The following PCDH15 variants were observed in gnomAD, a reference collection of about 807,000 sequenced individuals.
The protein encoded by PCDH15 is protocadherin related 15, also known as protocadherin-15.
Under a neutral mutation model 178.5 loss-of-function variants are expected in PCDH15, and 129 were observed. The ratio of observed to expected loss-of-function variants is 0.72; its 90% CI spans 0.63 to 0.84. PCDH15 has a LOEUF of 0.84. Among genes scored for constraint, PCDH15 ranks in the 40% least tolerant of loss-of-function variants. PCDH15 has a pLI of 0.00. For synonymous variants in PCDH15, 800 were observed against 732.0 expected (o/e 1.09, Z -1.50); for missense variants, 2,230 against 2,099.9 (o/e 1.06, Z -1.21).
intron 25 of PCDH15, among the ~76,000 whole-genome samples, chr10:53,935,900 T>C (rs1277650201): frequency 2.0e-5 from 3 of 152,052 alleles, no homozygotes; most frequent in Admixed American, 6.6e-5. Flanking sequence ...AGAAAATTAC[T>C]ATTGGTGGTT....
intron 3 of PCDH15, among the ~76,000 whole-genome samples, chr10:54,521,541 T>C (rs1032224662): frequency 6.6e-5 from 10 of 152,290 alleles, no homozygotes; most frequent in Admixed American, 5.9e-4. Flanking sequence ...TACTATTGAA[T>C]CTTCCCTCTT....
At chr10:54,734,721 A>G (rs1943851376) in intron 1 of PCDH15, among the ~76,000 whole-genome samples, 1 of 151,984 alleles carries the variant, frequency 6.6e-6, no homozygotes, top group Admixed American at 6.6e-5. Context: ...ATTGAGTGGT[A>G]AAAAAAGAAC....
At chr10:55,021,472 G>A (rs910906604) in intron 2 of PCDH15, among the ~76,000 whole-genome samples, 8 of 152,084 alleles carry the variant, frequency 5.3e-5, no homozygotes, top group Non-Finnish European at 1.0e-4. Flanking sequence ...GGATGTGTTC[G>A]GGTGTCTTTC....
chr10:54,054,907 C>T (rs1317068553), intron 18 of PCDH15, among the ~76,000 whole-genome samples: 1 of 151,964 alleles, frequency 6.6e-6, no homozygotes, highest in African/African-American at 2.4e-5. Flanking sequence ...ACTTGCAGCC[C>T]ACTTAAAAAA....
At chr10:54,043,676 T>C (rs2093598198) in intron 18 of PCDH15, among the ~76,000 whole-genome samples, 1 of 151,984 alleles carries the variant, frequency 6.6e-6, no homozygotes, top group South Asian at 2.1e-4. Context: ...GGTGAGCCAC[T>C]ACCCCTGGTC....
intron 8 of PCDH15, among the ~76,000 whole-genome samples, chr10:54,295,403 G>A (rs117375403): frequency 7.9e-5 from 12 of 152,298 alleles, no homozygotes; most frequent in East Asian, 1.9e-4. Context: ...AGCCAGCAGC[G>A]TCAACCTGCT....
intron 1 of PCDH15, among the ~76,000 whole-genome samples, chr10:55,201,085 C>A (rs1439993270): frequency 6.6e-6 from 1 of 152,038 alleles, no homozygotes; most frequent in Non-Finnish European, 1.5e-5. Flanking sequence ...GGTTGAGCAA[C>A]AACACATAAC....
chr10:54,604,247 T>A (rs951689221), intron 2 of PCDH15, among the ~76,000 whole-genome samples: 1 of 151,976 alleles, frequency 6.6e-6, no homozygotes. Flanking sequence ...GAATGTACAA[T>A]CTTCTGTTGT....
intron 3 of PCDH15, among the ~76,000 whole-genome samples, chr10:54,515,727 C>A (rs890428477): frequency 1.3e-5 from 2 of 152,200 alleles, no homozygotes; most frequent in African/African-American, 4.8e-5. Flanking sequence ...GGGAGGCATC[C>A]CCCAGTAGGG....
intron 2 of PCDH15, among the ~76,000 whole-genome samples, chr10:55,360,764 TG>T (rs1221741516): frequency 6.6e-6 from 1 of 152,022 alleles, no homozygotes; most frequent in African/African-American, 2.4e-5. Flanking sequence ...ACAATCACTC[TG>T]GGTAACATTT....
At chr10:55,272,568 A>C (rs1435174543) in intron 1 of PCDH15, among the ~76,000 whole-genome samples, 1 of 151,748 alleles carries the variant, frequency 6.6e-6, no homozygotes, top group African/African-American at 2.4e-5. Context: ...TTGTTAGTAG[A>C]GACGTGGTTT....
intron 18 of PCDH15, among the ~76,000 whole-genome samples, chr10:54,042,233 C>T (rs1045593911): frequency 2.0e-5 from 3 of 152,062 alleles, no homozygotes; most frequent in African/African-American, 7.2e-5. Context: ...ATTAGGACTA[C>T]TCTCTCCATT....
At chr10:54,003,720 C>A in intron 20 of PCDH15, among the ~76,000 whole-genome samples, 1 of 104,172 alleles carries the variant, frequency 9.6e-6, no homozygotes, top group Non-Finnish European at 1.8e-5. Context: ...TAATACTAAT[C>A]TTACTCAAAC....
chr10:54,017,581 T>C (rs941959096), intron 20 of PCDH15, among the ~76,000 whole-genome samples: 9 of 152,126 alleles, frequency 5.9e-5, no homozygotes, highest in African/African-American at 2.2e-4. Context: ...AAATGGTAAC[T>C]AAATATTGGG....
chr10:53,822,141 A>G lies in PCDH15; in HGVS notation c.4368-1911T>C. On this transcript the variant is annotated intron_variant, in intron 32 of 37. Transcript: ENST00000644397. ...CACTGTCGTTGTTGATAGCTGTGTCATAGAGGACTTAATTTTCTCGGCAGG... is the reference window on the plus strand; with the variant it reads ...CACTGTCGTTGTTGATAGCTGTGTCGTAGAGGACTTAATTTTCTCGGCAGG... The G allele has an allele frequency of 1.9e-6, 3 of 1,614,038 alleles. No homozygotes were observed. Among genetic ancestry groups the G allele is most frequent in the Non-Finnish European group, 2.5e-6 (3 of 1,179,956 alleles).
At chr10:53,835,043 T>G (rs1174442366) in intron 29 of PCDH15, among the ~76,000 whole-genome samples, 1 of 152,228 alleles carries the variant, frequency 6.6e-6, no homozygotes, top group Non-Finnish European at 1.5e-5. Context: ...AAGCAAATCA[T>G]GGTTAGATCA....
At chr10:53,908,102 A>T (rs541367794) in intron 25 of PCDH15, among the ~76,000 whole-genome samples, 1 of 152,302 alleles carries the variant, frequency 6.6e-6, no homozygotes, top group East Asian at 1.9e-4. Context: ...AGTGTTCTCA[A>T]CTGGGATCAA....
intron 18 of PCDH15, among the ~76,000 whole-genome samples, chr10:54,057,951 T>G (rs996561597): frequency 3.9e-5 from 6 of 152,266 alleles, no homozygotes; most frequent in African/African-American, 1.2e-4. Context: ...TTAACTCCAG[T>G]TCCCAACAAG....
chr10:55,512,230 A>C (rs564459497), intron 2 of PCDH15, among the ~76,000 whole-genome samples: 1 of 152,224 alleles, frequency 6.6e-6, no homozygotes, highest in African/African-American at 2.4e-5. Context: ...AGAATAGTTA[A>C]ACCCTGTTAG....
Sources: gnomAD v4.1 joint callset for allele counts (sites outside exome capture counted in the v4.1 genomes callset) on GRCh38, gnomAD v4.1.1 for gene constraint, MANE v1.5 for transcripts, NCBI Gene and HGNC (gene_info 2026-07-23, HGNC 2026-07-21) for gene names.